The following UNC13C variants were observed in gnomAD, a reference collection of about 807,000 sequenced individuals.
The protein encoded by UNC13C is protein unc-13 homolog C.
UNC13C carries 174 observed loss-of-function variants against 245.4 expected under a neutral mutation model. The observed-to-expected ratio is 0.71, with a 90% CI of 0.63 to 0.80. The LOEUF (loss-of-function observed/expected upper bound fraction) is 0.80, where lower values mean the gene tolerates loss of function less well. Among genes scored for constraint, UNC13C ranks in the 30% least tolerant of loss-of-function variants. The pLI is 0.00. For synonymous variants in UNC13C, 992 were observed against 895.1 expected, an observed-to-expected ratio of 1.11 and a Z score of -1.93; for missense variants, 2,829 against 2,602.9, an observed-to-expected ratio of 1.09 and a Z score of -1.89.
chr15:53,874,295 CT>C, the UNC13C span, among the ~76,000 whole-genome samples: 8,724 of 152,186 alleles, frequency 0.057, 467 homozygotes, highest in African/African-American at 0.14. Context: ...TTTAATCCCC[CT>C]AACAACCCAA....
chr15:54,575,089 G>A (rs1475355842), intron 30 of UNC13C, among the ~76,000 whole-genome samples: 4 of 152,122 alleles, frequency 2.6e-5, no homozygotes, highest in Admixed American at 2.6e-4. Flanking sequence ...AAGCTTGAGT[G>A]CAGTGGCATA....
the UNC13C span, among the ~76,000 whole-genome samples, chr15:53,945,203 C>A: frequency 6.6e-6 from 1 of 152,040 alleles, no homozygotes. Context: ...GTTGTGTTTA[C>A]TCTGTTGATA....
At chr15:54,327,216 A>G (rs2038320006) in intron 14 of UNC13C, among the ~76,000 whole-genome samples, 1 of 152,056 alleles carries the variant, frequency 6.6e-6, no homozygotes, top group South Asian at 2.1e-4. Flanking sequence ...TGTAAAATTA[A>G]TATTTTTGAG....
chr15:53,945,323 C>G, the UNC13C span, among the ~76,000 whole-genome samples: 1 of 152,062 alleles, frequency 6.6e-6, no homozygotes, highest in Non-Finnish European at 1.5e-5. Context: ...TTGCCAGTTC[C>G]TATGTTCAGA....
At chr15:54,303,138 T>G (rs1017487771) in intron 13 of UNC13C, among the ~76,000 whole-genome samples, 2 of 152,192 alleles carry the variant, frequency 1.3e-5, no homozygotes, top group Non-Finnish European at 2.9e-5. Context: ...CATCATCCCT[T>G]GTTCATCCAC....
chr15:53,999,381 A>G (rs1173829236), intron 1 of UNC13C, among the ~76,000 whole-genome samples: 1 of 151,910 alleles, frequency 6.6e-6, no homozygotes, highest in Non-Finnish European at 1.5e-5. Flanking sequence ...AGGAATTGAT[A>G]TATTTTATCC....
intron 2 of UNC13C, among the ~76,000 whole-genome samples, chr15:54,051,456 T>G (rs1262555078): frequency 6.6e-6 from 1 of 152,048 alleles, no homozygotes; most frequent in Non-Finnish European, 1.5e-5. Flanking sequence ...GACTTCCTAA[T>G]TTTTTCCCCA....
chr15:54,145,390 G>A (rs185999250), intron 4 of UNC13C, among the ~76,000 whole-genome samples: 249 of 152,030 alleles, frequency 1.6e-3, no homozygotes, highest in African/African-American at 5.6e-3. Context: ...TTATTTTGAT[G>A]TTTCCAAATA....
chr15:53,980,003 A>G (rs1210197623), intron 1 of UNC13C, among the ~76,000 whole-genome samples: 1 of 152,178 alleles, frequency 6.6e-6, no homozygotes, highest in Non-Finnish European at 1.5e-5. Flanking sequence ...TATATAAAAT[A>G]TTTAATAGAT....
intron 7 of UNC13C, among the ~76,000 whole-genome samples, chr15:54,248,612 C>T (rs937772979): frequency 8.8e-6 from 1 of 113,654 alleles, no homozygotes; most frequent in Non-Finnish European, 1.8e-5. Flanking sequence ...TTCAGACACT[C>T]TTTATTGAAA....
chr15:54,630,358 A>G (rs143172343), downstream of UNC13C: 10 of 152,300 alleles, frequency 6.6e-5, no homozygotes, highest in South Asian at 2.1e-4. Context: ...ATAAATGACA[A>G]TTCTAACTTA....
At chr15:54,619,885 T>C (rs141140434) in intron 30 of UNC13C, among the ~76,000 whole-genome samples, 5,979 of 152,092 alleles carry the variant, frequency 0.039, 219 homozygotes, top group Admixed American at 0.12. Flanking sequence ...TACTAGAGAG[T>C]GGTATAAACA....
At chr15:54,203,281 G>T (rs1323958338) in intron 4 of UNC13C, among the ~76,000 whole-genome samples, 1 of 151,770 alleles carries the variant, frequency 6.6e-6, no homozygotes, top group East Asian at 1.9e-4. Flanking sequence ...ACTCCTTAAA[G>T]AACTAAAAGT....
At chr15:54,505,906 A>T (rs887194977) in intron 22 of UNC13C, among the ~76,000 whole-genome samples, 1 of 152,120 alleles carries the variant, frequency 6.6e-6, no homozygotes, top group Non-Finnish European at 1.5e-5. Context: ...GTCTCTAAGC[A>T]TAAATTCAAG....
intron 30 of UNC13C, among the ~76,000 whole-genome samples, chr15:54,593,421 T>C (rs904450643): frequency 2.0e-5 from 3 of 152,172 alleles, no homozygotes; most frequent in Non-Finnish European, 4.4e-5. Flanking sequence ...GCTTTTAGAA[T>C]TGAATTATTC....
At chr15:53,845,525 C>A in the UNC13C span, among the ~76,000 whole-genome samples, 1 of 152,116 alleles carries the variant, frequency 6.6e-6, no homozygotes, top group South Asian at 2.1e-4. Flanking sequence ...GTTTTAATAC[C>A]ACAGCATATT....
the UNC13C span, among the ~76,000 whole-genome samples, chr15:53,870,090 A>T: frequency 1.3e-5 from 2 of 152,188 alleles, no homozygotes; most frequent in Non-Finnish European, 2.9e-5. Context: ...CTGTACTCCT[A>T]CGCTTACAAT....
intron 4 of UNC13C, among the ~76,000 whole-genome samples, chr15:54,152,709 G>T (rs1307396514): frequency 1.3e-5 from 2 of 152,160 alleles, no homozygotes; most frequent in African/African-American, 4.8e-5. Flanking sequence ...AAAATTACCA[G>T]CTATTAGCTG....
chr15:54,152,689 C>G (rs2032573558), intron 4 of UNC13C, among the ~76,000 whole-genome samples: 1 of 152,136 alleles, frequency 6.6e-6, no homozygotes. Flanking sequence ...AGAATAATCA[C>G]TTGTGTTAGA....
Sources: gnomAD v4.1 joint callset for allele counts (sites outside exome capture counted in the v4.1 genomes callset) on GRCh38, gnomAD v4.1.1 for gene constraint, MANE v1.5 for transcripts, NCBI Gene and HGNC (gene_info 2026-07-23, HGNC 2026-07-21) for gene names.